Variants in TBX1 observed in about 807,000 individuals in gnomAD.
TBX1 encodes T-box transcription factor 1.
TBX1 carries 16 observed loss-of-function variants against 40.8 expected under a neutral mutation model. The ratio of observed to expected loss-of-function variants is 0.39; its 90% confidence interval spans 0.27 to 0.60. The LOEUF (loss-of-function observed/expected upper bound fraction) is 0.60. TBX1 is among the 20% of genes least tolerant of loss of function. The probability of loss-of-function intolerance (pLI) is 0.51; values close to 1 mark genes in which losing one functional copy is unlikely to be tolerated. For synonymous variants in TBX1, 403 were observed against 336.8 expected (o/e 1.20, Z -2.15); for missense variants, 755 against 728.5 (o/e 1.04, Z -0.42).
chr22:19,769,808 G>A (rs1051261361), downstream of TBX1, among the ~76,000 whole-genome samples: 25 of 152,232 alleles, frequency 1.6e-4, no homozygotes, highest in African/African-American at 6.0e-4. Context: ...GGGATTAGTT[G>A]AGTGCTATGC....
chr22:19,783,011 A>G, downstream of TBX1: 1 of 1,061,296 alleles, frequency 9.4e-7, no homozygotes. Context: ...ACCACACTGC[A>G]AGGACACTTG....
chr22:19,761,061 C>A lies in TBX1; in HGVS notation c.218C>A (p.Pro73Gln). ...GCCGCCCCCGGCGCCCCGGGCCCGC[C>A]GCCGCCGCCGCACGCCTACCCGTTT... ...AAAAPGAPGP[P>Q]PPPHAYPFAP... The change falls in exon 1 of 7, where the codon CCG becomes CAG. Residue 73 changes from proline to glutamine, a missense_variant. This residue lies in a region of TBX1 where 199 missense variants were observed against 173.0 expected (regional missense o/e 1.15). Transcript: ENST00000649276. 1.1e-6 allele frequency: 1 copy of A among 916,252 alleles called. No homozygotes were observed. Among genetic ancestry groups the A allele is most frequent in the South Asian group, 4.8e-5 (1 of 20,634 alleles). 56.8% of individuals were successfully genotyped at this position (916,252 alleles called of 1,614,324 possible). A position where few individuals can be genotyped will look rare whatever the true frequency, so the allele number is the denominator to read the frequency against.
At chr22:19,769,059 C>G (rs1040160603), downstream of TBX1, among the ~76,000 whole-genome samples, 2 of 149,266 alleles carry the variant, frequency 1.3e-5, no homozygotes, top group Admixed American at 6.8e-5. Context: ...CTCCTGGGTT[C>G]AAGTGATTTC....
downstream of TBX1, among the ~76,000 whole-genome samples, chr22:19,771,364 T>G (rs1336568673): frequency 1.3e-5 from 2 of 152,326 alleles, no homozygotes; most frequent in East Asian, 3.9e-4. Flanking sequence ...GTTGTACTAC[T>G]TCAAACCAGA....
upstream of TBX1, among the ~76,000 whole-genome samples, chr22:19,759,858 A>G (rs999694347): frequency 6.6e-6 from 1 of 152,222 alleles, no homozygotes; most frequent in East Asian, 1.9e-4. Context: ...TCCCCTCACC[A>G]GCCTGGGGGC....
At position 19,767,058 on chromosome 22, in the gene TBX1, T is replaced by A; in HGVS notation, c.*191T>A. 1.5e-6 allele frequency: 2 copies of A among 1,292,954 alleles called. No individual in the cohort carries two copies. The highest frequency in any genetic ancestry group is 2.0e-6 in the Non-Finnish European group (2 of 1,023,678). 80.1% of individuals were successfully genotyped at this position (1,292,954 alleles called of 1,614,324 possible). The stretch of plus-strand genomic sequence containing the variant: ...CCCAGCCCCTTGGGCTATCGAAGTA[T>A]CCGGTTCCCCAGTCCCTGGAGCCAC... On this transcript the variant is annotated 3_prime_UTR_variant, in exon 7 of 7. Transcript: ENST00000649276.
At chr22:19,782,960 C>T, downstream of TBX1, 1 of 1,511,560 alleles carries the variant, frequency 6.6e-7, no homozygotes, top group Non-Finnish European at 9.2e-7. Flanking sequence ...GCTGGACGTG[C>T]TCTTGAAGCC....
Position 19,766,815 on chromosome 22 carries a change from A to C in TBX1, c.1463A>C (p.Tyr488Ser). The change falls in exon 7 of 7, where the codon TAC becomes TCC. Residue 488 changes from tyrosine (Y) to serine (S), a missense_variant. By Grantham distance (144) the Tyr-to-Ser change is moderately radical (BLOSUM62 -2). Coordinates refer to ENST00000649276, the MANE Select transcript of TBX1 (RefSeq NM_001379200.1). Reference sequence around the variant, plus strand: ...GCAGCTGCCGCGGCCGCCAACATGTACTCGTCGGCCGGAGCCGCGCCGCCC... The same window carrying C: ...GCAGCTGCCGCGGCCGCCAACATGTCCTCGTCGGCCGGAGCCGCGCCGCCC... ...AAAAAAAANM[Y>S]SSAGAAPPGS... 1 of 1,553,132 alleles carries C rather than the reference A, an allele frequency of 6.4e-7. No individual in the cohort carries two copies. The highest frequency in any genetic ancestry group is 8.6e-7 in the Non-Finnish European group (1 of 1,161,290).
downstream of TBX1, among the ~76,000 whole-genome samples, chr22:19,769,181 G>A (rs948838698): frequency 5.9e-5 from 9 of 151,964 alleles, no homozygotes; most frequent in Non-Finnish European, 1.3e-4. Flanking sequence ...GGCTGGTCTC[G>A]AACTCCTGAC....
chr22:19,768,414 C>T (rs998264405), downstream of TBX1, among the ~76,000 whole-genome samples: 7 of 152,164 alleles, frequency 4.6e-5, no homozygotes, highest in African/African-American at 1.7e-4. Flanking sequence ...TTCCCAGAGG[C>T]CAGTCTAGGG....
At chr22:19,768,950 A>ATTCTTTTTT (rs1936939128), downstream of TBX1, among the ~76,000 whole-genome samples, 1 of 70,714 alleles carries the variant, frequency 1.4e-5, no homozygotes, top group Non-Finnish European at 2.9e-5. Context: ...GGCTGTTCGC[A>ATTCTTTTTT]TTCTTTTTTT....
At chr22:19,757,151 G>A (rs1303721956), upstream of TBX1, among the ~76,000 whole-genome samples, 14 of 144,624 alleles carry the variant, frequency 9.7e-5, no homozygotes, top group Admixed American at 8.6e-4. Context: ...GGCAGCCGGT[G>A]GGGTAGGGTC....
chr22:19,761,267 A>G lies in TBX1; in HGVS notation c.424A>G (p.Thr142Ala). The change falls in exon 1 of 7, where the codon ACC becomes GCC. Residue 142 changes from threonine (T) to alanine (A), a missense_variant. Coordinates refer to ENST00000649276, the MANE Select transcript of TBX1 (RefSeq NM_001379200.1). The part of the protein sequence containing the change: ...FNQLGTEMIV[T>A]KAGRRMFPTF... ...CCAGCTGGGCACCGAGATGATCGTCACCAAGGCCGGCAGGTCAGGGCGCCC... is the reference window on the plus strand; with the variant it reads ...CCAGCTGGGCACCGAGATGATCGTCGCCAAGGCCGGCAGGTCAGGGCGCCC... The G allele has an allele frequency of 6.4e-7, 1 of 1,560,970 alleles. No individual in the cohort carries two copies. Among genetic ancestry groups the G allele is most frequent in the Non-Finnish European group, 8.7e-7 (1 of 1,151,530 alleles).
chr22:19,761,289 G>T lies in TBX1; in HGVS notation c.437+9G>T. Reference sequence around the variant, plus strand: ...GTCACCAAGGCCGGCAGGTCAGGGCGCCCCTCCCCACGCCGCGACCCTCCC... The same window carrying T: ...GTCACCAAGGCCGGCAGGTCAGGGCTCCCCTCCCCACGCCGCGACCCTCCC... On this transcript the variant is annotated intron_variant, in intron 1 of 6. Transcript: ENST00000649276. 6.5e-7 allele frequency: 1 copy of T among 1,540,890 alleles called. No homozygotes were observed. The highest frequency in any genetic ancestry group is 1.8e-5 in the Admixed American group (1 of 54,634).
At chr22:19,771,535 A>G (rs564175861), downstream of TBX1, among the ~76,000 whole-genome samples, 59 of 152,338 alleles carry the variant, frequency 3.9e-4, no homozygotes, top group African/African-American at 1.4e-3. Context: ...CTTCTTAATT[A>G]TAAAGGGTGA....
At chr22:19,777,759 T>A (rs1398892318) in intron 8 of TBX1, among the ~76,000 whole-genome samples, 1 of 75,958 alleles carries the variant, frequency 1.3e-5, no homozygotes, top group East Asian at 2.8e-4. Flanking sequence ...TTACTCTTAA[T>A]TTTTTTTTTT....
At chr22:19,782,540 T>A (rs1289671427), downstream of TBX1, among the ~76,000 whole-genome samples, 1 of 152,196 alleles carries the variant, frequency 6.6e-6, no homozygotes, top group African/African-American at 2.4e-5. Flanking sequence ...GTTTCATGGA[T>A]GGGAGAGCCC....
chr22:19,762,819 G>A (rs918313462), intron 1 of TBX1, among the ~76,000 whole-genome samples: 2 of 152,126 alleles, frequency 1.3e-5, no homozygotes, highest in African/African-American at 2.4e-5. Flanking sequence ...AGGACTACCC[G>A]GTTTCACTTT....
chr22:19,765,340 T>C (rs1936796210), intron 4 of TBX1, among the ~76,000 whole-genome samples: 1 of 152,052 alleles, frequency 6.6e-6, no homozygotes, highest in Non-Finnish European at 1.5e-5. Flanking sequence ...GCGGCAACTG[T>C]CACTTCGTCC....
Sources: allele counts gnomAD v4.1 joint callset (sites outside exome capture counted in the v4.1 genomes callset), GRCh38; gene constraint gnomAD v4.1.1; regional missense constraint gnomAD v4.1.1; transcripts MANE v1.5; gene names NCBI Gene and HGNC (gene_info 2026-07-23, HGNC 2026-07-21).